The following ST6GALNAC5 variants were observed in gnomAD, a reference collection of about 807,000 sequenced individuals.
ST6GALNAC5 encodes the protein alpha-N-acetylgalactosaminide alpha-2,6-sialyltransferase 5.
Under a neutral mutation model 33.6 loss-of-function variants are expected in ST6GALNAC5, and 27 were observed. That is an observed-to-expected ratio of 0.80 (90% CI 0.59 to 1.11). The LOEUF (loss-of-function observed/expected upper bound fraction) is 1.11, where lower values mean the gene tolerates loss of function less well. ST6GALNAC5 is among the 50% of genes least tolerant of loss of function. The pLI is 0.00. For synonymous variants in ST6GALNAC5, 194 were observed against 171.2 expected, an observed-to-expected ratio of 1.13 and a Z score of -1.04; for missense variants, 428 against 454.0, an observed-to-expected ratio of 0.94 and a Z score of 0.52.
At position 76,997,605 on chromosome 1, in the gene ST6GALNAC5, T is replaced by C. The variant is rs530547041; in HGVS notation, c.262-46599T>C. ...TGCTATTGTGGGTATCATGTCAAGA[T>C]CCAATGTTTTCTTTCCATGTTATAC... is the stretch of plus-strand genomic sequence containing the variant. On this transcript the variant is annotated intron_variant, in intron 2 of 4. Coordinates refer to ENST00000477717, the MANE Select transcript of ST6GALNAC5 (RefSeq NM_030965.3). 4.6e-5 allele frequency among the ~76,000 whole-genome samples: 7 copies of C among 152,310 alleles called. No homozygotes were observed. The East Asian group carries it at 1.4e-3, about 29-fold the overall frequency.
At chr1:76,889,414 T>C (rs1365416449) in intron 2 of ST6GALNAC5, among the ~76,000 whole-genome samples, 2 of 152,094 alleles carry the variant, frequency 1.3e-5, no homozygotes, top group African/African-American at 2.4e-5. Context: ...ATCCTTCTTC[T>C]TGAAATATAA....
chr1:76,968,116 A>G (rs1181164290), intron 2 of ST6GALNAC5, among the ~76,000 whole-genome samples: 3 of 152,164 alleles, frequency 2.0e-5, no homozygotes, highest in Non-Finnish European at 4.4e-5. Context: ...TGCAGAGCTG[A>G]GTTCAGGTCC....
At chr1:77,005,200 A>T (rs1650352389) in intron 2 of ST6GALNAC5, among the ~76,000 whole-genome samples, 2 of 152,170 alleles carry the variant, frequency 1.3e-5, no homozygotes, top group South Asian at 4.1e-4. Flanking sequence ...GTGGTGCGCC[A>T]TTTTTTAAGC....
intron 2 of ST6GALNAC5, among the ~76,000 whole-genome samples, chr1:76,945,299 G>T (rs1340297905): frequency 1.3e-5 from 2 of 151,978 alleles, no homozygotes; most frequent in African/African-American, 4.8e-5. Flanking sequence ...AAAAGGCTGT[G>T]TCAAAATAGT....
rs564015127 is a variant in ST6GALNAC5, at chr1:76,993,414, G to T, written c.262-50790G>T. ...GAACACTTTATTAGCCTACATTTATGGAGCATTCTTGGTACCCATTAAACA... is the reference window on the plus strand; with the variant it reads ...GAACACTTTATTAGCCTACATTTATTGAGCATTCTTGGTACCCATTAAACA... On this transcript the variant is annotated intron_variant, in intron 2 of 4. Transcript: ENST00000477717. Among the ~76,000 whole-genome samples, 10 of 152,214 alleles carry T rather than the reference G, an allele frequency of 6.6e-5. 2 individuals are homozygous for T. Among genetic ancestry groups the T allele is most frequent in the African/African-American group, 2.4e-4 (10 of 41,550 alleles).
chr1:76,932,272 T>TGA (rs1647150816), intron 2 of ST6GALNAC5, among the ~76,000 whole-genome samples: 1 of 152,138 alleles, frequency 6.6e-6, no homozygotes, highest in East Asian at 1.9e-4. Flanking sequence ...GTCCGGGGGT[T>TGA]GAGAGGGAAT....
rs1235248481 is a variant in ST6GALNAC5, at chr1:76,958,820, C to T, written c.262-85384C>T. On this transcript the variant is annotated intron_variant, in intron 2 of 4. Coordinates refer to ENST00000477717, the MANE Select transcript of ST6GALNAC5 (RefSeq NM_030965.3). ...CTTCACCATCTAGGCTCCAAGGGCA[C>T]CTCCTCTCCCAAAAAAGCCATGCCT... Among the ~76,000 whole-genome samples, 3 of 152,224 alleles carry T rather than the reference C, an allele frequency of 2.0e-5. No homozygotes were observed. In the East Asian group the frequency reaches 5.8e-4, roughly 29 times the overall value.
rs1370064863 is a variant in ST6GALNAC5 at position 77,005,370 on chromosome 1, C to CGG, written c.262-38834_262-38833insGG. 3.9e-5 allele frequency among the ~76,000 whole-genome samples: 6 copies of CGG among 152,346 alleles called. No homozygotes were observed. The East Asian group carries it at 9.7e-4, about 25-fold the overall frequency. ...GGCTCGCGCACGGTGCGCACACCCA[C>CGG]TGACCTGCACCCACTGTCTGGCACT... On this transcript the variant is annotated intron_variant, in intron 2 of 4. Coordinates refer to ENST00000477717, the MANE Select transcript of ST6GALNAC5 (RefSeq NM_030965.3).
intron 2 of ST6GALNAC5, among the ~76,000 whole-genome samples, chr1:76,888,418 A>G (rs1653943527): frequency 6.6e-6 from 1 of 152,192 alleles, no homozygotes; most frequent in South Asian, 2.1e-4. Flanking sequence ...TGATATTAAG[A>G]GTAGTACTCT....
intron 2 of ST6GALNAC5, among the ~76,000 whole-genome samples, chr1:76,953,275 A>ATTATTTTCC (rs1216585505): frequency 6.6e-6 from 1 of 152,096 alleles, no homozygotes; most frequent in African/African-American, 2.4e-5. Context: ...GAGTGCCTGT[A>ATTATTTTCC]TTATTTTCCT....
At chr1:76,966,444 AT>A (rs993656265) in intron 2 of ST6GALNAC5, among the ~76,000 whole-genome samples, 2 of 152,174 alleles carry the variant, frequency 1.3e-5, no homozygotes, top group Non-Finnish European at 2.9e-5. Flanking sequence ...TTGCACATTG[AT>A]TTTGTATCTT....
chr1:76,941,144 A>G (rs188216244), intron 2 of ST6GALNAC5, among the ~76,000 whole-genome samples: 60 of 152,200 alleles, frequency 3.9e-4, no homozygotes, highest in Admixed American at 7.2e-4. Context: ...GAGCTTAGGC[A>G]ATGGGTTCAA....
chr1:76,997,244 C>A (rs910878649), intron 2 of ST6GALNAC5, among the ~76,000 whole-genome samples: 1 of 152,030 alleles, frequency 6.6e-6, no homozygotes, highest in African/African-American at 2.4e-5. Flanking sequence ...CACATGTAGG[C>A]GGTACACAGA....
At chr1:77,022,667 A>C (rs1275982846) in intron 2 of ST6GALNAC5, among the ~76,000 whole-genome samples, 1 of 152,250 alleles carries the variant, frequency 6.6e-6, no homozygotes, top group Non-Finnish European at 1.5e-5. Flanking sequence ...ATTTTAACTT[A>C]AAAATTCAGA....
chr1:76,876,532 C>T (rs1472188504), intron 2 of ST6GALNAC5, among the ~76,000 whole-genome samples: 2 of 152,220 alleles, frequency 1.3e-5, no homozygotes, highest in Admixed American at 6.5e-5. Context: ...TAGGTCCATC[C>T]ACATACCTCT....
intron 2 of ST6GALNAC5, among the ~76,000 whole-genome samples, chr1:76,961,649 C>T (rs956173830): frequency 1.3e-5 from 2 of 152,140 alleles, no homozygotes; most frequent in Non-Finnish European, 2.9e-5. Flanking sequence ...TTGCATATGC[C>T]GTTCCCACTC....
chr1:77,042,513 C>G (rs902662827), intron 2 of ST6GALNAC5, among the ~76,000 whole-genome samples: 2 of 152,110 alleles, frequency 1.3e-5, no homozygotes, highest in Non-Finnish European at 2.9e-5. Flanking sequence ...TTTCATAAGC[C>G]CTGCATCAAT....
intron 2 of ST6GALNAC5, among the ~76,000 whole-genome samples, chr1:76,905,358 G>A (rs1045902693): frequency 4.6e-5 from 7 of 152,132 alleles, no homozygotes; most frequent in Non-Finnish European, 8.8e-5. Context: ...CTGTCCAGCT[G>A]TTCTTCTTAA....
At chr1:76,905,067 A>G (rs1347575655) in intron 2 of ST6GALNAC5, among the ~76,000 whole-genome samples, 1 of 152,150 alleles carries the variant, frequency 6.6e-6, no homozygotes. Flanking sequence ...TCAGTTGTGC[A>G]CTTGTTATTT....
Sources: allele counts gnomAD v4.1 joint callset (sites outside exome capture counted in the v4.1 genomes callset), GRCh38; gene constraint gnomAD v4.1.1; transcripts MANE v1.5; gene names NCBI Gene and HGNC (gene_info 2026-07-23, HGNC 2026-07-21).